The following PTPRD variants were observed in gnomAD, a reference collection of about 807,000 sequenced individuals.
PTPRD encodes receptor-type tyrosine-protein phosphatase delta.
Under a neutral mutation model 214.5 loss-of-function variants are expected in PTPRD, and 34 were observed. That is an observed-to-expected ratio of 0.16 (90% CI 0.12 to 0.21). The LOEUF (loss-of-function observed/expected upper bound fraction) is 0.21, where lower values mean the gene tolerates loss of function less well. PTPRD is among the 10% of genes least tolerant of loss of function. PTPRD has a pLI of 1.00. For synonymous variants in PTPRD, 1,128 were observed against 845.7 expected, an observed-to-expected ratio of 1.33 and a Z score of -5.79; for missense variants, 2,545 against 2,398.7, an observed-to-expected ratio of 1.06 and a Z score of -1.27.
chr9:9,886,131 G>A (rs1175302173), intron 5 of PTPRD, among the ~76,000 whole-genome samples: 1 of 152,014 alleles, frequency 6.6e-6, no homozygotes, highest in Non-Finnish European at 1.5e-5. Flanking sequence ...GAAAAAGAAT[G>A]ATGCCCAAGG....
rs549838508 is a variant in PTPRD, at chr9:9,630,077, C to A, written c.-286-55296G>T. Among the ~76,000 whole-genome samples the A allele has an allele frequency of 1.9e-3, 287 of 152,218 alleles. 1 individual carries two copies. The highest frequency in any genetic ancestry group is 6.4e-3 in the African/African-American group (265 of 41,552). ...GGAGGAGGACACAGGTTTTCTGGGA[C>A]CACCACAAGAAAAAGGATTATATGG... On this transcript the variant is annotated intron_variant, in intron 7 of 45. Transcript: ENST00000381196.
chr9:8,869,790 A>G (rs560301716), intron 11 of PTPRD, among the ~76,000 whole-genome samples: 36 of 151,918 alleles, frequency 2.4e-4, no homozygotes, highest in African/African-American at 8.2e-4. Context: ...AAGCTATGTA[A>G]TTCTGCTCTG....
At chr9:8,665,787 G>A (rs2097158471) in intron 12 of PTPRD, among the ~76,000 whole-genome samples, 1 of 152,138 alleles carries the variant, frequency 6.6e-6, no homozygotes, top group Non-Finnish European at 1.5e-5. Flanking sequence ...TTGAATTTAA[G>A]CAGTTCTTTT....
At chr9:10,087,602 G>A (rs985119190) in intron 3 of PTPRD, among the ~76,000 whole-genome samples, 6 of 151,544 alleles carry the variant, frequency 4.0e-5, no homozygotes, top group Non-Finnish European at 7.4e-5. Context: ...CTGATCTTCC[G>A]GAGTGCTATG....
chr9:10,597,668 AT>A (rs1417971362), intron 2 of PTPRD, among the ~76,000 whole-genome samples: 1 of 151,810 alleles, frequency 6.6e-6, no homozygotes, highest in South Asian at 2.1e-4. Context: ...GTAAGCAAAG[AT>A]TTCATTAACT....
chr9:9,619,882 G>A (rs893426686), intron 7 of PTPRD, among the ~76,000 whole-genome samples: 55 of 148,442 alleles, frequency 3.7e-4, no homozygotes, highest in African/African-American at 1.3e-3. Flanking sequence ...TAATATAGAT[G>A]TTTTTATATA....
At chr9:10,114,570 T>C (rs2098715612) in intron 3 of PTPRD, among the ~76,000 whole-genome samples, 5 of 152,116 alleles carry the variant, frequency 3.3e-5, no homozygotes, top group Admixed American at 3.3e-4. Flanking sequence ...TATATGCTTG[T>C]ATTATATAGG....
At chr9:9,964,115 G>A (rs974607409) in intron 4 of PTPRD, among the ~76,000 whole-genome samples, 1 of 104,390 alleles carries the variant, frequency 9.6e-6, no homozygotes, top group African/African-American at 2.7e-5. Context: ...GACAGAGAGA[G>A]ACAGATGCCT....
At chr9:8,799,043 A>G (rs1160399318) in intron 11 of PTPRD, among the ~76,000 whole-genome samples, 3 of 152,208 alleles carry the variant, frequency 2.0e-5, no homozygotes, top group African/African-American at 7.2e-5. Flanking sequence ...TTTATCCTAG[A>G]TACTATATTA....
intron 5 of PTPRD, among the ~76,000 whole-genome samples, chr9:9,885,952 T>G (rs1034324302): frequency 1.3e-5 from 2 of 151,542 alleles, no homozygotes; most frequent in South Asian, 4.2e-4. Flanking sequence ...TGTAGTGGAT[T>G]AGCATTTGAT....
At chr9:9,105,877 C>T (rs183724700) in intron 10 of PTPRD, among the ~76,000 whole-genome samples, 11 of 152,276 alleles carry the variant, frequency 7.2e-5, no homozygotes, top group African/African-American at 2.6e-4. Flanking sequence ...AATCCACACT[C>T]TTTACTTAGC....
chr9:9,356,159 A>T (rs998801085), intron 9 of PTPRD, among the ~76,000 whole-genome samples: 2 of 151,500 alleles, frequency 1.3e-5, no homozygotes, highest in Non-Finnish European at 3.0e-5. Context: ...CTGCAAAAGA[A>T]AAAGAACCAA....
At chr9:8,478,462 G>C (rs1225566497) in intron 30 of PTPRD, among the ~76,000 whole-genome samples, 1 of 152,008 alleles carries the variant, frequency 6.6e-6, no homozygotes, top group Non-Finnish European at 1.5e-5. Context: ...ACATAAAACG[G>C]TTGTTATAAA....
At chr9:9,505,242 G>A (rs1373025758) in intron 8 of PTPRD, among the ~76,000 whole-genome samples, 7 of 151,464 alleles carry the variant, frequency 4.6e-5, no homozygotes, top group South Asian at 2.1e-4. Context: ...TAGAGCAGCC[G>A]ACTCTCTTAG....
At chr9:9,776,922 C>A (rs1479226403) in intron 5 of PTPRD, among the ~76,000 whole-genome samples, 1 of 152,160 alleles carries the variant, frequency 6.6e-6, no homozygotes, top group Non-Finnish European at 1.5e-5. Context: ...CATACTTTCT[C>A]CTGTCCTCTG....
chr9:9,448,530 C>A (rs1198663504), intron 8 of PTPRD, among the ~76,000 whole-genome samples: 1 of 152,074 alleles, frequency 6.6e-6, no homozygotes, highest in Non-Finnish European at 1.5e-5. Context: ...GAGTCCTCCC[C>A]AGCCATGTGG....
intron 9 of PTPRD, among the ~76,000 whole-genome samples, chr9:9,253,250 A>C (rs1018720179): frequency 6.6e-6 from 1 of 152,040 alleles, no homozygotes; most frequent in Non-Finnish European, 1.5e-5. Context: ...TTTTTGGCTA[A>C]AAATCTAAAG....
At chr9:8,984,257 A>C (rs565225643) in intron 11 of PTPRD, among the ~76,000 whole-genome samples, 1 of 152,068 alleles carries the variant, frequency 6.6e-6, no homozygotes, top group Admixed American at 6.6e-5. Flanking sequence ...ACATTTTATA[A>C]ATTTTTAGTA....
chr9:9,339,114 C>T (rs375043498), intron 9 of PTPRD, among the ~76,000 whole-genome samples: 1 of 152,052 alleles, frequency 6.6e-6, no homozygotes, highest in Non-Finnish European at 1.5e-5. Context: ...TAGGCATGAA[C>T]AACACAATGA....
Sources: gnomAD v4.1 joint callset for allele counts (sites outside exome capture counted in the v4.1 genomes callset) on GRCh38, gnomAD v4.1.1 for gene constraint, MANE v1.5 for transcripts, NCBI Gene and HGNC (gene_info 2026-07-23, HGNC 2026-07-21) for gene names.